Variants in NSMCE2 observed in about 807,000 individuals in gnomAD.
NSMCE2 encodes NSE2 SUMO ligase component of SMC5/6 complex.
Under a neutral mutation model 23.8 loss-of-function variants are expected in NSMCE2, and 24 were observed. That is an observed-to-expected ratio of 1.01 (90% confidence interval 0.73 to 1.42). The LOEUF is 1.42. Ranked by LOEUF, NSMCE2 falls within the 40% of genes most tolerant of loss-of-function variation. The probability of loss-of-function intolerance (pLI) is 0.00; values close to 1 mark genes in which losing one functional copy is unlikely to be tolerated. For synonymous variants in NSMCE2, 92 were observed against 94.1 expected (o/e 0.98, Z 0.13); for missense variants, 284 against 296.5 (o/e 0.96, Z 0.31).
chr8:125,216,264 AG>A (rs1824577779), intron 5 of NSMCE2, among the ~76,000 whole-genome samples: 2 of 152,196 alleles, frequency 1.3e-5, no homozygotes, highest in African/African-American at 4.8e-5. Flanking sequence ...TGCTGCTGTG[AG>A]CATCAGTGTA....
rs201903722 is a variant in NSMCE2 at position 125,151,230 on chromosome 8, C to T, written c.217C>T (p.Arg73Trp). ...KAMVEFATLD[R>W]QLNHYVKAVQ... Reference sequence around the variant, plus strand: ...AATGGTTGAATTTGCTACATTGGATCGGCAACTAAACCATTATGTAAAGGC... The same window carrying T: ...AATGGTTGAATTTGCTACATTGGATTGGCAACTAAACCATTATGTAAAGGC... The change falls in exon 4 of 8, where the codon CGG becomes TGG. Residue 73 changes from arginine to tryptophan, a missense_variant. Arg to Trp is a moderately radical substitution (Grantham distance 101). Around this residue, in one of 2 missense-constraint regions of NSMCE2, gnomAD observed 182 missense variants for 155.5 expected, o/e 1.17. Transcript: ENST00000287437. 290 of 1,607,380 alleles carry T rather than the reference C, an allele frequency of 1.8e-4. No individual in the cohort carries two copies. In the East Asian group the frequency reaches 5.9e-3, roughly 33 times the overall value.
chr8:125,138,283 G>T (rs1414833486), intron 3 of NSMCE2, among the ~76,000 whole-genome samples: 1 of 152,136 alleles, frequency 6.6e-6, no homozygotes, highest in Non-Finnish European at 1.5e-5. Context: ...GAGTGCAGTG[G>T]TATGATCATA....
intron 3 of NSMCE2, among the ~76,000 whole-genome samples, chr8:125,138,977 G>T (rs1018240418): frequency 1.3e-5 from 2 of 152,184 alleles, no homozygotes; most frequent in Non-Finnish European, 2.9e-5. Flanking sequence ...CTATGCAGAA[G>T]TTATGTGGTG....
chr8:125,296,310 A>G (rs2131180059), intron 5 of NSMCE2, among the ~76,000 whole-genome samples: 1 of 152,154 alleles, frequency 6.6e-6, no homozygotes, highest in South Asian at 2.1e-4. Flanking sequence ...GAGAATATGC[A>G]TGAATGAATG....
intron 5 of NSMCE2, among the ~76,000 whole-genome samples, chr8:125,241,355 GCAAT>G (rs977201803): frequency 2.0e-5 from 3 of 152,182 alleles, no homozygotes. Flanking sequence ...GGGGAGATAG[GCAAT>G]CAAATATACA....
chr8:125,343,110 C>G (rs1830305638), intron 5 of NSMCE2, among the ~76,000 whole-genome samples: 1 of 152,122 alleles, frequency 6.6e-6, no homozygotes, highest in Non-Finnish European at 1.5e-5. Flanking sequence ...TACTAAGATT[C>G]CAGGGCATCT....
intron 5 of NSMCE2, among the ~76,000 whole-genome samples, chr8:125,196,787 A>C (rs972726477): frequency 6.6e-6 from 1 of 152,214 alleles, no homozygotes; most frequent in African/African-American, 2.4e-5. Flanking sequence ...ACTGTCTTCC[A>C]CAGTGGTTGA....
At chr8:125,201,119 TC>T (rs1357279524) in intron 5 of NSMCE2, among the ~76,000 whole-genome samples, 6 of 152,216 alleles carry the variant, frequency 3.9e-5, no homozygotes, top group Non-Finnish European at 7.3e-5. Context: ...TAGAACATGC[TC>T]CTTTAGCTTG....
At chr8:125,199,875 A>G (rs1431630111) in intron 5 of NSMCE2, among the ~76,000 whole-genome samples, 2 of 152,122 alleles carry the variant, frequency 1.3e-5, no homozygotes, top group Non-Finnish European at 2.9e-5. Flanking sequence ...TTGGGTGCAT[A>G]TATATTTAGA....
chr8:125,291,010 C>G (rs531672384), intron 5 of NSMCE2, among the ~76,000 whole-genome samples: 3 of 152,236 alleles, frequency 2.0e-5, no homozygotes, highest in South Asian at 4.1e-4. Context: ...TGAACAGAAA[C>G]TAAGGTAAGC....
chr8:125,238,242 C>T lies in NSMCE2; in HGVS notation c.418+55986C>T, dbSNP rs61231328. On this transcript the variant is annotated intron_variant, in intron 5 of 7. Coordinates refer to ENST00000287437, the MANE Select transcript of NSMCE2 (RefSeq NM_173685.4). ...GGATGCAAGTAGAGCAGGCAGGGAA[C>T]GAGGTTATAGAAACTTTTTATTCCA... 1.2e-3 allele frequency among the ~76,000 whole-genome samples: 189 copies of T among 152,228 alleles called. 2 individuals carry two copies. Among genetic ancestry groups the T allele is most frequent in the African/African-American group, 4.2e-3 (174 of 41,534 alleles).
chr8:125,129,802 A>G (rs1174433340), intron 3 of NSMCE2, among the ~76,000 whole-genome samples: 1 of 151,884 alleles, frequency 6.6e-6, no homozygotes, highest in African/African-American at 2.4e-5. Context: ...TTTTTCAATA[A>G]GTTTTTTATT....
chr8:125,239,962 C>T (rs143704652), intron 5 of NSMCE2, among the ~76,000 whole-genome samples: 4 of 152,140 alleles, frequency 2.6e-5, no homozygotes, highest in Admixed American at 6.5e-5. Flanking sequence ...CCTTCTTGCT[C>T]ATTGCTGAGG....
At chr8:125,175,723 T>C (rs1429521244) in intron 4 of NSMCE2, among the ~76,000 whole-genome samples, 2 of 151,126 alleles carry the variant, frequency 1.3e-5, no homozygotes, top group African/African-American at 2.4e-5. Flanking sequence ...ATAATGATAA[T>C]TGGAAGAGGA....
chr8:125,360,121 G>A (rs1338922183), intron 7 of NSMCE2, among the ~76,000 whole-genome samples: 1 of 152,180 alleles, frequency 6.6e-6, no homozygotes, highest in African/African-American at 2.4e-5. Context: ...GTCTAATACT[G>A]TCATTTGCTC....
chr8:125,256,996 T>C (rs1020745656), intron 5 of NSMCE2, among the ~76,000 whole-genome samples: 34 of 128,122 alleles, frequency 2.7e-4, no homozygotes, highest in African/African-American at 9.5e-4. Flanking sequence ...CACCCTGACA[T>C]GTAGAAGTTA....
rs569378687 is a variant in NSMCE2, at chr8:125,248,597, G to A, written c.418+66341G>A. On this transcript the variant is annotated intron_variant, in intron 5 of 7. Transcript: ENST00000287437. ...GAACCAGGGAGGCGGAGGTTGCAGTGAGCTGAGATCACACCACTGCACTCC... is the reference window on the plus strand; with the variant it reads ...GAACCAGGGAGGCGGAGGTTGCAGTAAGCTGAGATCACACCACTGCACTCC... 1.2e-4 allele frequency among the ~76,000 whole-genome samples: 19 copies of A among 152,098 alleles called. 1 individual carries two copies. In the South Asian group the frequency reaches 2.5e-3, roughly 20 times the overall value.
chr8:125,127,978 G>A (rs891708402), intron 3 of NSMCE2, among the ~76,000 whole-genome samples: 15 of 152,142 alleles, frequency 9.9e-5, no homozygotes, highest in South Asian at 2.1e-4. Flanking sequence ...TCATGTCAGC[G>A]CTCAAAAAAG....
chr8:125,215,429 T>G (rs1824538867), intron 5 of NSMCE2, among the ~76,000 whole-genome samples: 1 of 151,900 alleles, frequency 6.6e-6, no homozygotes, highest in South Asian at 2.1e-4. Context: ...ATTTTCTTAA[T>G]CCAGTCTATC....
Sources: gnomAD v4.1 joint callset for allele counts (sites outside exome capture counted in the v4.1 genomes callset) on GRCh38, gnomAD v4.1.1 for gene constraint, gnomAD v4.1.1 regional missense constraint, MANE v1.5 for transcripts, NCBI Gene and HGNC (gene_info 2026-07-23, HGNC 2026-07-21) for gene names.